Variants in SRPK2 observed in about 807,000 individuals in gnomAD.
The protein encoded by SRPK2 is SRSF protein kinase 2, also known as SFRS protein kinase 2.
SRPK2 carries 21 observed loss-of-function variants against 90.8 expected under a neutral mutation model. The ratio of observed to expected loss-of-function variants is 0.23; its 90% CI spans 0.16 to 0.33. The LOEUF is 0.33. Among genes scored for constraint, SRPK2 ranks in the 10% least tolerant of loss-of-function variants. The pLI, the probability that SRPK2 is intolerant of heterozygous loss-of-function variation, is 1.00. For missense variants in SRPK2, 620 were observed against 869.0 expected (o/e 0.71, Z 3.60); for synonymous variants, 288 against 311.1 (o/e 0.93, Z 0.78).
At chr7:105,279,895 C>T (rs1347264918) in intron 2 of SRPK2, among the ~76,000 whole-genome samples, 1 of 152,104 alleles carries the variant, frequency 6.6e-6, no homozygotes, top group East Asian at 1.9e-4. Flanking sequence ...AAGGTGAAAC[C>T]CAATGCTGTG....
At position 105,265,743 on chromosome 7, in the gene SRPK2, A is replaced by G. The variant is rs946383436; in HGVS notation, c.72-61958T>C. Reference sequence around the variant, plus strand: ...GAATTCATTCATTCAACAGGCACTCAAAAAAAAGGAAAATACCTGCAGTAG... The same window carrying G: ...GAATTCATTCATTCAACAGGCACTCGAAAAAAAGGAAAATACCTGCAGTAG... On this transcript the variant is annotated intron_variant, in intron 2 of 15. Transcript: ENST00000393651. Among the ~76,000 whole-genome samples the G allele has an allele frequency of 5.3e-5, 8 of 151,920 alleles. No homozygotes were observed. In the East Asian group the frequency reaches 1.3e-3, roughly 26 times the overall value.
At chr7:105,314,220 T>A (rs71562649) in intron 2 of SRPK2, among the ~76,000 whole-genome samples, 9,193 of 151,784 alleles carry the variant, frequency 0.061, 386 homozygotes, top group Non-Finnish European at 0.084. Flanking sequence ...TAATCCAAGC[T>A]ACTTGGGAGG....
intron 2 of SRPK2, among the ~76,000 whole-genome samples, chr7:105,282,147 G>C (rs1807426689): frequency 6.6e-6 from 1 of 152,144 alleles, no homozygotes; most frequent in African/African-American, 2.4e-5. Flanking sequence ...AAAGATAACG[G>C]AAAGTCCAGA....
chr7:105,360,174 T>C (rs1818269769), intron 2 of SRPK2, among the ~76,000 whole-genome samples: 1 of 152,200 alleles, frequency 6.6e-6, no homozygotes, highest in East Asian at 1.9e-4. Context: ...TGGTTTAAAG[T>C]CTGTTTTATC....
At chr7:105,162,416 T>C (rs1807815050) in intron 6 of SRPK2, among the ~76,000 whole-genome samples, 1 of 152,210 alleles carries the variant, frequency 6.6e-6, no homozygotes, top group African/African-American at 2.4e-5. Flanking sequence ...TATATATTCA[T>C]GTCATTCATA....
intron 2 of SRPK2, among the ~76,000 whole-genome samples, chr7:105,251,001 A>G (rs1399357228): frequency 1.3e-5 from 2 of 152,216 alleles, no homozygotes; most frequent in Non-Finnish European, 2.9e-5. Flanking sequence ...ACAGCAACAG[A>G]AGCTACTCAG....
At chr7:105,264,727 A>C (rs1003063670) in intron 2 of SRPK2, among the ~76,000 whole-genome samples, 2 of 152,240 alleles carry the variant, frequency 1.3e-5, no homozygotes, top group Non-Finnish European at 2.9e-5. Context: ...ATGCAAACCT[A>C]TATAGCACTG....
chr7:105,263,161 A>G (rs1291674979), intron 2 of SRPK2, among the ~76,000 whole-genome samples: 2 of 152,108 alleles, frequency 1.3e-5, no homozygotes, highest in African/African-American at 2.4e-5. Flanking sequence ...CGTGTCTACT[A>G]AAAATACAAA....
chr7:105,331,634 G>A (rs112389601), intron 2 of SRPK2, among the ~76,000 whole-genome samples: 5,115 of 152,174 alleles, frequency 0.034, 132 homozygotes, highest in Non-Finnish European at 0.049. Flanking sequence ...CTGTGCTTAG[G>A]CCCTGATTTT....
chr7:105,183,084 C>T (rs1793094357), intron 3 of SRPK2, among the ~76,000 whole-genome samples: 1 of 152,234 alleles, frequency 6.6e-6, no homozygotes, highest in South Asian at 2.1e-4. Flanking sequence ...ACTAAAAGCT[C>T]CATACATTTA....
chr7:105,212,503 C>G (rs976150047), intron 2 of SRPK2, among the ~76,000 whole-genome samples: 2 of 152,042 alleles, frequency 1.3e-5, no homozygotes, highest in African/African-American at 4.8e-5. Flanking sequence ...AGCACAGAGG[C>G]CCAAACTAAT....
intron 11 of SRPK2, among the ~76,000 whole-genome samples, chr7:105,133,531 G>C (rs1802341586): frequency 6.6e-6 from 1 of 152,102 alleles, no homozygotes; most frequent in Admixed American, 6.6e-5. Flanking sequence ...TGTGGGGGCC[G>C]ATCACTCTCA....
At chr7:105,378,151 C>A (rs932578848) in intron 2 of SRPK2, among the ~76,000 whole-genome samples, 2 of 152,124 alleles carry the variant, frequency 1.3e-5, no homozygotes, top group Non-Finnish European at 2.9e-5. Flanking sequence ...CATGTTGACA[C>A]CAACTGCAGT....
At position 105,313,146 on chromosome 7, in the gene SRPK2, A is replaced by AT. The variant is rs879929767; in HGVS notation, c.71+75501dup. 5.1e-3 allele frequency among the ~76,000 whole-genome samples: 756 copies of AT among 147,146 alleles called. 6 individuals carry two copies. Among genetic ancestry groups the AT allele is most frequent in the African/African-American group, 8.9e-3 (360 of 40,346 alleles). On this transcript the variant is annotated intron_variant, in intron 2 of 15. Transcript: ENST00000393651. ...GACTTACTTTTGTCAAAAGGTAATG[A>AT]TTTTTTTTTTTTTAAATTACCAGGT...
intron 9 of SRPK2, among the ~76,000 whole-genome samples, chr7:105,144,764 C>A (rs1287175746): frequency 1.3e-5 from 2 of 152,150 alleles, no homozygotes; most frequent in African/African-American, 4.8e-5. Context: ...ATAAAGAAGA[C>A]AATTTTTGAA....
chr7:105,238,868 A>G (rs559448979), intron 2 of SRPK2, among the ~76,000 whole-genome samples: 2 of 152,186 alleles, frequency 1.3e-5, no homozygotes, highest in Non-Finnish European at 2.9e-5. Flanking sequence ...ACCCACGACC[A>G]CTTTGGAGCA....
chr7:105,256,207 T>C (rs1171105283), intron 2 of SRPK2, among the ~76,000 whole-genome samples: 2 of 152,226 alleles, frequency 1.3e-5, no homozygotes, highest in Non-Finnish European at 2.9e-5. Flanking sequence ...CACAAGTCTG[T>C]GGCTCACAAA....
intron 2 of SRPK2, among the ~76,000 whole-genome samples, chr7:105,283,681 T>G (rs984686199): frequency 6.6e-6 from 1 of 152,146 alleles, no homozygotes. Context: ...TCTAGAATTA[T>G]GTAATAGTGG....
intron 2 of SRPK2, chr7:105,268,885 A>T (rs1563171216): frequency 1.3e-6 from 2 of 1,584,114 alleles, no homozygotes; most frequent in Non-Finnish European, 8.6e-7. Context: ...AAAATCAGAA[A>T]ATATTCACAA....
Sources: gnomAD v4.1 joint callset for allele counts (sites outside exome capture counted in the v4.1 genomes callset) on GRCh38, gnomAD v4.1.1 for gene constraint, MANE v1.5 for transcripts, NCBI Gene and HGNC (gene_info 2026-07-23, HGNC 2026-07-21) for gene names.